COL14A1: variants seen among roughly 807,000 people sequenced by gnomAD.
COL14A1 encodes the protein collagen type XIV alpha 1 chain.
Under a neutral mutation model 230.3 loss-of-function variants are expected in COL14A1, and 136 were observed. The ratio of observed to expected loss-of-function variants is 0.59; its 90% CI spans 0.51 to 0.68. COL14A1 has a LOEUF of 0.68. Ranked by LOEUF, COL14A1 falls within the 30% of genes least tolerant of loss-of-function variation. The pLI is 0.00. For synonymous variants in COL14A1, 792 were observed against 784.1 expected (o/e 1.01, Z -0.17); for missense variants, 1,976 against 2,215.8 (o/e 0.89, Z 2.17).
At chr8:120,266,924 G>T in intron 25 of COL14A1, 41 bp downstream of exon 25, 2 of 1,538,692 alleles carry the variant, frequency 1.3e-6, no homozygotes, top group Non-Finnish European at 1.8e-6. Context: ...CTAGGTTTAG[G>T]ATTTGTGTTG....
intron 34 of COL14A1, among the ~76,000 whole-genome samples, chr8:120,291,614 A>G (rs1335661136): frequency 6.6e-6 from 1 of 151,286 alleles, no homozygotes; most frequent in Non-Finnish European, 1.5e-5. Flanking sequence ...AAACCATTCT[A>G]GGTATATGAG....
chr8:120,185,229 C>T (rs1344221004), intron 5 of COL14A1, among the ~76,000 whole-genome samples: 1 of 152,196 alleles, frequency 6.6e-6, no homozygotes, highest in Non-Finnish European at 1.5e-5. Context: ...TGCACATCCC[C>T]TACATGGATG....
At chr8:120,195,674 G>A (rs941077231) in intron 5 of COL14A1, among the ~76,000 whole-genome samples, 20 of 152,164 alleles carry the variant, frequency 1.3e-4, no homozygotes, top group Non-Finnish European at 2.2e-4. Context: ...GCAAGAGCAC[G>A]TGTGCAGAGG....
chr8:120,332,069 G>A, intron 40 of COL14A1, 72 bp from the exon 41 acceptor site: 1 of 1,308,000 alleles, frequency 7.6e-7, no homozygotes, highest in South Asian at 1.2e-5. Context: ...ACATGAAAAG[G>A]AACTAAATGA....
chr8:120,250,725 C>T lies in COL14A1; in HGVS notation c.2711C>T (p.Ala904Val). 6.2e-7 allele frequency: 1 copy of T among 1,614,250 alleles called. No homozygotes were observed. Among genetic ancestry groups the T allele is most frequent in the Non-Finnish European group, 8.5e-7 (1 of 1,180,050 alleles). The change falls in exon 22 of 48, where the codon GCC becomes GTC. Residue 904 changes from alanine (A) to valine (V), a missense_variant. Ala to Val is a moderately conservative substitution (Grantham distance 64). Transcript: ENST00000297848. ...DYNVKIFASQASGFSDALTGM... is the reference protein window; with the variant it reads ...DYNVKIFASQVSGFSDALTGM... ...AATGTGAAGATATTTGCCTCCCAGG[C>T]CTCAGGCTTCAGCGACGCCCTGACA...
At chr8:120,200,939 G>T (rs1405462382) in intron 8 of COL14A1, among the ~76,000 whole-genome samples, 1 of 151,028 alleles carries the variant, frequency 6.6e-6, no homozygotes, top group African/African-American at 2.4e-5. Context: ...CAGAGGTTCA[G>T]GTTGTATCTT....
chr8:120,354,904 A>T (rs1822922682), intron 45 of COL14A1, among the ~76,000 whole-genome samples: 1 of 152,120 alleles, frequency 6.6e-6, no homozygotes, highest in Non-Finnish European at 1.5e-5. Context: ...TTCTCTGTTA[A>T]TTTATGTCAA....
intron 1 of COL14A1, among the ~76,000 whole-genome samples, 165 bp from the exon 2 acceptor site, chr8:120,147,641 C>G (rs1258066309): frequency 1.3e-5 from 2 of 152,180 alleles, no homozygotes; most frequent in African/African-American, 2.4e-5. Flanking sequence ...TCTAAAAAGT[C>G]TTTTCCTCAT....
Position 120,162,551 on chromosome 8 carries a change from G to A in COL14A1, c.331G>A (p.Ala111Thr). The change falls in exon 4 of 48, where the codon GCT becomes ACT. Residue 111 changes from alanine to threonine, a missense_variant. Physicochemically the swap from Ala to Thr is moderately conservative, Grantham distance 58 (BLOSUM62 0). Transcript: ENST00000297848. The stretch of plus-strand genomic sequence containing the variant: ...CAATAAAGATAAAGAAAGCAAGCCA[G>A]CTCAAGGCCAATTCAGAAGTACGTA... ...AYNKDKESKP[A>T]QGQFRIKDLE... 1.2e-6 allele frequency: 2 copies of A among 1,605,696 alleles called. No individual in the cohort carries two copies. Among genetic ancestry groups the A allele is most frequent in the Non-Finnish European group, 1.7e-6 (2 of 1,176,766 alleles).
At chr8:120,145,576 C>T (rs918270390) in intron 1 of COL14A1, among the ~76,000 whole-genome samples, 5 of 152,120 alleles carry the variant, frequency 3.3e-5, no homozygotes, top group South Asian at 2.1e-4. Context: ...CAGATCGCAC[C>T]GTTGCACTCC....
intron 33 of COL14A1, among the ~76,000 whole-genome samples, chr8:120,286,827 AACTCAGC>A (rs1820219654): frequency 6.6e-6 from 1 of 152,184 alleles, no homozygotes; most frequent in African/African-American, 2.4e-5. Context: ...TTATTTTAAT[AACTCAGC>A]ACTTGTGGTA....
At chr8:120,339,246 C>T (rs559354573) in intron 42 of COL14A1, among the ~76,000 whole-genome samples, 1 of 152,310 alleles carries the variant, frequency 6.6e-6, no homozygotes, top group East Asian at 1.9e-4. Flanking sequence ...CTTTGCGATC[C>T]TCCCAAAGTG....
intron 1 of COL14A1, among the ~76,000 whole-genome samples, chr8:120,140,128 A>C (rs1269006933): frequency 6.6e-6 from 1 of 152,218 alleles, no homozygotes; most frequent in Admixed American, 6.5e-5. Context: ...GAGAGTGGTT[A>C]AACCAGCTAG....
At chr8:120,231,229 T>C (rs1157905278) in intron 18 of COL14A1, among the ~76,000 whole-genome samples, 2 of 152,186 alleles carry the variant, frequency 1.3e-5, no homozygotes, top group Non-Finnish European at 2.9e-5. Flanking sequence ...GAACTGACAG[T>C]TTTGAGGGCT....
chr8:120,278,709 A>G lies in COL14A1; in HGVS notation c.3481+131A>G, dbSNP rs944972621. On this transcript the variant is annotated intron_variant, in intron 28 of 47. Transcript: ENST00000297848. ...TTTCTTCATATTAACTAGACAGTGT[A>G]ATTTTTAAAATACTTTCTGGTATAC... The G allele has an allele frequency of 4.5e-6, 4 of 880,144 alleles. No individual in the cohort carries two copies. The African/African-American group carries it at 6.9e-5, about 15-fold the overall frequency. The allele number at this position is 880,144 out of a possible 1,614,324, so 54.5% of individuals were successfully genotyped here. A position where few individuals can be genotyped will look rare whatever the true frequency, so the allele number is the denominator to read the frequency against.
intron 29 of COL14A1, 107 bp downstream of exon 29, chr8:120,280,206 C>A: frequency 7.8e-7 from 1 of 1,278,966 alleles, no homozygotes. Context: ...ATATTGACTT[C>A]CAGTACTGCT....
intron 36 of COL14A1, among the ~76,000 whole-genome samples, chr8:120,308,817 A>G (rs1477856140): frequency 1.3e-5 from 2 of 152,228 alleles, no homozygotes; most frequent in African/African-American, 4.8e-5. Context: ...TGATTTTTCA[A>G]TCCTTCTGCT....
chr8:120,370,762 C>A, intron 47 of COL14A1: 2 of 1,379,372 alleles, frequency 1.4e-6, no homozygotes, highest in South Asian at 2.4e-5. Flanking sequence ...TTCTCCTTGA[C>A]CACCCTACTC....
chr8:120,315,646 A>G (rs906956461), intron 39 of COL14A1, 60 bp downstream of exon 39: 5 of 1,368,748 alleles, frequency 3.7e-6, no homozygotes, highest in Non-Finnish European at 5.1e-6. Context: ...AAGGGGGAAA[A>G]AAAAGCTGTA....
Sources: allele counts gnomAD v4.1 joint callset (sites outside exome capture counted in the v4.1 genomes callset), GRCh38; gene constraint gnomAD v4.1.1; transcripts MANE v1.5; gene names NCBI Gene and HGNC (gene_info 2026-07-23, HGNC 2026-07-21).